COBLL1: variants seen among roughly 807,000 people sequenced by gnomAD.
COBLL1 encodes the protein cordon-bleu WH2 repeat protein like 1.
COBLL1 carries 50 observed loss-of-function variants against 94.8 expected under a neutral mutation model. The observed-to-expected ratio is 0.53, with a 90% confidence interval of 0.42 to 0.67. The LOEUF (loss-of-function observed/expected upper bound fraction) is 0.67. COBLL1 is among the 30% of genes least tolerant of loss of function. COBLL1 has a pLI of 0.00. For synonymous variants in COBLL1, 448 were observed against 473.8 expected (o/e 0.95, Z 0.71); for missense variants, 1,362 against 1,348.7 (o/e 1.01, Z -0.15).
At chr2:164,756,417 A>G (rs996972353) in intron 2 of COBLL1, among the ~76,000 whole-genome samples, 40 of 152,124 alleles carry the variant, frequency 2.6e-4, no homozygotes, top group Non-Finnish European at 5.1e-4. Context: ...ATTTAGTAAT[A>G]TCCTAATAAT....
chr2:164,783,618 C>A (rs915287374), intron 2 of COBLL1, among the ~76,000 whole-genome samples: 20 of 152,044 alleles, frequency 1.3e-4, no homozygotes, highest in African/African-American at 4.8e-4. Flanking sequence ...CAAGATTTAG[C>A]AGTAGTGGTT....
At chr2:164,659,308 A>C (rs1365325274) in intron 2 of COBLL1, among the ~76,000 whole-genome samples, 3 of 152,224 alleles carry the variant, frequency 2.0e-5, no homozygotes, top group Non-Finnish European at 4.4e-5. Context: ...AGGAACTTCC[A>C]TCAGTATACA....
intron 2 of COBLL1, among the ~76,000 whole-genome samples, chr2:164,826,895 CGT>C (rs112721694): frequency 0.31 from 35,123 of 115,112 alleles, 4,381 homozygotes; most frequent in African/African-American, 0.51. Context: ...GTCTTTGTTT[CGT>C]TTTTTTTTTT....
At chr2:164,705,381 C>T (rs543554583) in intron 7 of COBLL1, 20 of 269,774 alleles carry the variant, frequency 7.4e-5, no homozygotes, top group Non-Finnish European at 1.4e-4. Flanking sequence ...TCATAAGTAA[C>T]AGAGTTAAAA....
At chr2:164,833,347 C>G (rs887869587) in intron 2 of COBLL1, among the ~76,000 whole-genome samples, 1 of 152,178 alleles carries the variant, frequency 6.6e-6, no homozygotes, top group African/African-American at 2.4e-5. Flanking sequence ...GAGCAAGACC[C>G]TGTCTCAAAA....
chr2:164,765,977 C>T (rs1280098509), intron 2 of COBLL1, among the ~76,000 whole-genome samples: 1 of 152,122 alleles, frequency 6.6e-6, no homozygotes, highest in African/African-American at 2.4e-5. Flanking sequence ...CAGCCTCAGG[C>T]ACCCATTACA....
chr2:164,780,996 G>A (rs1161974328), intron 2 of COBLL1, among the ~76,000 whole-genome samples: 2 of 152,164 alleles, frequency 1.3e-5, no homozygotes, highest in Admixed American at 1.3e-4. Flanking sequence ...ATACTTAGGA[G>A]AATTTTAAAT....
intron 2 of COBLL1, among the ~76,000 whole-genome samples, chr2:164,800,779 C>T (rs918673262): frequency 1.3e-5 from 2 of 151,844 alleles, no homozygotes; most frequent in Non-Finnish European, 2.9e-5. Context: ...GGCATTATAC[C>T]GAGTGAAAAA....
rs56944983 is a variant in COBLL1, at chr2:164,704,408, T to A, written c.1225+36A>T. Reference sequence around the variant, plus strand: ...TCTCAATTATCATGGACGTCCTTTTTCAGTAATTACACCATGTAGAATAAG... The same window carrying A: ...TCTCAATTATCATGGACGTCCTTTTACAGTAATTACACCATGTAGAATAAG... On this transcript the variant is annotated intron_variant, in intron 9 of 13. Coordinates refer to ENST00000652658, the MANE Select transcript of COBLL1 (RefSeq NM_001365672.2). 1,259 of 1,344,300 alleles carry A rather than the reference T, an allele frequency of 9.4e-4. 8 individuals are homozygous for A. In the African/African-American group the frequency reaches 0.015, roughly 16 times the overall value. The allele number at this position is 1,344,300 out of a possible 1,614,324, so 83.3% of individuals were successfully genotyped here. A position where few individuals can be genotyped will look rare whatever the true frequency, so the allele number is the denominator to read the frequency against.
intron 7 of COBLL1, among the ~76,000 whole-genome samples, chr2:164,721,064 T>C (rs1117982): frequency 0.65 from 99,129 of 152,194 alleles, 34,145 homozygotes; most frequent in African/African-American, 0.89. Flanking sequence ...TTGAGTTGCA[T>C]GTATGATAGC....
intron 2 of COBLL1, among the ~76,000 whole-genome samples, chr2:164,758,843 C>T (rs1017650130): frequency 1.3e-5 from 2 of 151,612 alleles, no homozygotes; most frequent in African/African-American, 4.8e-5. Context: ...TCATTAAAAA[C>T]AAAATTATCT....
At chr2:164,773,728 T>C (rs1375144678) in intron 2 of COBLL1, 2 of 1,295,098 alleles carry the variant, frequency 1.5e-6, no homozygotes, top group Admixed American at 4.8e-5. Context: ...AAAGTCTCCA[T>C]AAAACAGTAT....
intron 11 of COBLL1, chr2:164,696,217 A>T: frequency 6.4e-6 from 1 of 156,970 alleles, no homozygotes; most frequent in Non-Finnish European, 1.4e-5. Flanking sequence ...TTCTTAGAAG[A>T]TGTCATTCAG....
At chr2:164,666,977 T>C (rs1691169838) in intron 1 of COBLL1, among the ~76,000 whole-genome samples, 1 of 152,200 alleles carries the variant, frequency 6.6e-6, no homozygotes, top group Non-Finnish European at 1.5e-5. Context: ...CTTAATGGCA[T>C]CTAGAATGGT....
intron 7 of COBLL1, among the ~76,000 whole-genome samples, chr2:164,716,761 G>A (rs1685189049): frequency 6.6e-6 from 1 of 152,052 alleles, no homozygotes; most frequent in Non-Finnish European, 1.5e-5. Flanking sequence ...AGCCTTTTAT[G>A]TGAGCATTTT....
chr2:164,747,184 T>A (rs565358115), intron 2 of COBLL1, among the ~76,000 whole-genome samples: 20 of 151,678 alleles, frequency 1.3e-4, no homozygotes, highest in Non-Finnish European at 2.5e-4. Context: ...ATTACTTGTC[T>A]GGGATTTTTT....
intron 2 of COBLL1, among the ~76,000 whole-genome samples, chr2:164,824,731 AGGT>A (rs1368302769): frequency 6.6e-6 from 1 of 152,112 alleles, no homozygotes; most frequent in Admixed American, 6.5e-5. Context: ...ATTTATCTCT[AGGT>A]GGCTTGCAAA....
chr2:164,699,333 T>C (rs184105486), intron 11 of COBLL1, 72 bp downstream of exon 11: 4 of 932,714 alleles, frequency 4.3e-6, no homozygotes, highest in Admixed American at 3.4e-5. Context: ...TTAATACATA[T>C]AAAGTGTTAA....
At position 164,711,357 on chromosome 2, in the gene COBLL1, T is replaced by C. The variant is rs532820723; in HGVS notation, c.997-6252A>G. ...TATACAGATGTTGGAGTAAAAAGCA[T>C]AGGTAAAAGGAGGTATTTAAGATTG... On this transcript the variant is annotated intron_variant, in intron 7 of 13. Transcript: ENST00000652658. Among the ~76,000 whole-genome samples the C allele has an allele frequency of 3.9e-5, 6 of 152,264 alleles. No homozygotes were observed. The East Asian group carries it at 1.2e-3, about 29-fold the overall frequency.
Sources: allele counts gnomAD v4.1 joint callset (sites outside exome capture counted in the v4.1 genomes callset), GRCh38; gene constraint gnomAD v4.1.1; transcripts MANE v1.5; gene names NCBI Gene and HGNC (gene_info 2026-07-23, HGNC 2026-07-21).